Variants in PRKAG2 observed in about 807,000 individuals in gnomAD.
The protein encoded by PRKAG2 is protein kinase AMP-activated non-catalytic subunit gamma 2.
A neutral mutation model predicts 69.6 loss-of-function variants in PRKAG2; 26 were observed. The ratio of observed to expected loss-of-function variants is 0.37; its 90% CI spans 0.27 to 0.52. The LOEUF is 0.52. PRKAG2 is among the 20% of genes least tolerant of loss of function. The pLI is 0.90. For synonymous variants in PRKAG2, 293 were observed against 285.0 expected, an observed-to-expected ratio of 1.03 and a Z score of -0.28; for missense variants, 557 against 740.0, an observed-to-expected ratio of 0.75 and a Z score of 2.87.
At chr7:151,694,470 C>T (rs1413970586) in intron 3 of PRKAG2, among the ~76,000 whole-genome samples, 1 of 152,110 alleles carries the variant, frequency 6.6e-6, no homozygotes, top group African/African-American at 2.4e-5. Context: ...ACCTGCAACC[C>T]CTGGCAACCA....
intron 3 of PRKAG2, among the ~76,000 whole-genome samples, chr7:151,728,473 G>A (rs1266426768): frequency 6.6e-6 from 1 of 152,096 alleles, no homozygotes. Flanking sequence ...GCAGGGGCTG[G>A]CCAGCACCCA....
chr7:151,702,497 C>T lies in PRKAG2; in HGVS notation c.467-26860G>A, dbSNP rs73728275. ...GCCCCCACGGCAGTCTTGCCAGGTC[C>T]CTGCCCACCCGCTTGCCTTCCTTCC... On this transcript the variant is annotated intron_variant, in intron 3 of 15. Coordinates refer to ENST00000287878, the MANE Select transcript of PRKAG2 (RefSeq NM_016203.4). Among the ~76,000 whole-genome samples the T allele has an allele frequency of 4.5e-3, 690 of 152,354 alleles. 7 individuals are homozygous for T. The highest frequency in any genetic ancestry group is 0.016 in the African/African-American group (650 of 41,582).
intron 1 of PRKAG2, among the ~76,000 whole-genome samples, chr7:151,846,446 G>C (rs1219826304): frequency 6.7e-6 from 1 of 149,750 alleles, no homozygotes; most frequent in South Asian, 2.1e-4. Flanking sequence ...CCAGCCTGAC[G>C]ACAGAAACTC....
At chr7:151,856,645 T>C (rs2079783132) in intron 1 of PRKAG2, among the ~76,000 whole-genome samples, 1 of 152,160 alleles carries the variant, frequency 6.6e-6, no homozygotes. Flanking sequence ...TGGCAAAATA[T>C]GTGAAAGACG....
rs187213587 is a variant in PRKAG2, at chr7:151,709,203, T to C, written c.467-33566A>G. Among the ~76,000 whole-genome samples, 17 of 152,256 alleles carry C rather than the reference T, an allele frequency of 1.1e-4. 1 individual carries two copies. The South Asian group carries it at 2.3e-3, about 20-fold the overall frequency. On this transcript the variant is annotated intron_variant, in intron 3 of 15. Transcript: ENST00000287878. ...ACACCGATGTATGAACTGAATGACA[T>C]TGTGTGACACAGTGTTGTGACACTG...
intron 3 of PRKAG2, among the ~76,000 whole-genome samples, chr7:151,687,245 T>C (rs765772029): frequency 4.6e-5 from 7 of 152,202 alleles, no homozygotes; most frequent in Non-Finnish European, 1.0e-4. Flanking sequence ...TTCTACATCA[T>C]GGACCCAAAA....
In PRKAG2 at chr7:151,827,744, G is replaced by GT. The variant is rs1208798265; in HGVS notation, c.115-41204dup. ...TAGGAATTTCTTGAGGTGGCCTTAGGTAAAAAAAAAAAAAAAAAAAAAAAA... is the reference window on the plus strand; with the variant it reads ...TAGGAATTTCTTGAGGTGGCCTTAGGTTAAAAAAAAAAAAAAAAAAAAAAAA... On this transcript the variant is annotated intron_variant, in intron 1 of 15. Transcript: ENST00000287878. Among the ~76,000 whole-genome samples, 228 of 32,156 alleles carry GT rather than the reference G, an allele frequency of 7.1e-3. 1 individual carries two copies. Among genetic ancestry groups the GT allele is most frequent in the African/African-American group, 0.021 (216 of 10,518 alleles). The allele number at this position is 32,156 out of a possible 152,430, so 21.1% of individuals were successfully genotyped here. A position where few individuals can be genotyped will look rare whatever the true frequency, so the allele number is the denominator to read the frequency against.
At chr7:151,680,240 G>A (rs564024680) in intron 3 of PRKAG2, among the ~76,000 whole-genome samples, 59 of 152,226 alleles carry the variant, frequency 3.9e-4, no homozygotes, top group African/African-American at 1.3e-3. Flanking sequence ...GCTAAGTGTC[G>A]ACTGTACTAA....
chr7:151,828,222 C>G lies in PRKAG2; in HGVS notation c.115-41681G>C, dbSNP rs544450867. On this transcript the variant is annotated intron_variant, in intron 1 of 15. Coordinates refer to ENST00000287878, the MANE Select transcript of PRKAG2 (RefSeq NM_016203.4). This position sits in a 1 kb window ranked among gnomAD's most constrained non-coding sequence, Gnocchi z 4.6. ...TGTGAGGAAGAGCTACCTCTCCTTC[C>G]CACAGAGCCTGGAGATAGGTCCCTG... Among the ~76,000 whole-genome samples the G allele has an allele frequency of 2.0e-5, 3 of 152,290 alleles. No homozygotes were observed. In the East Asian group the frequency reaches 5.8e-4, roughly 29 times the overall value.
chr7:151,870,159 AGGCAGG>A (rs1563769286), intron 1 of PRKAG2, among the ~76,000 whole-genome samples: 8,488 of 108,604 alleles, frequency 0.078, 279 homozygotes, highest in South Asian at 0.09. Flanking sequence ...ATAGATAGGC[AGGCAGG>A]CAGGCAGGCA....
chr7:151,837,834 C>G (rs1408955262), intron 1 of PRKAG2, among the ~76,000 whole-genome samples: 4 of 152,210 alleles, frequency 2.6e-5, no homozygotes, highest in Non-Finnish European at 2.9e-5. Context: ...CTTCCTACAG[C>G]TAATCCAGAG....
chr7:151,802,853 TC>T (rs2077909549), intron 1 of PRKAG2, among the ~76,000 whole-genome samples: 2 of 150,932 alleles, frequency 1.3e-5, no homozygotes, highest in African/African-American at 4.9e-5. Context: ...TCCTCTTTAA[TC>T]CCCCCGTGCC....
At chr7:151,692,654 G>A (rs1376196004) in intron 3 of PRKAG2, among the ~76,000 whole-genome samples, 2 of 152,120 alleles carry the variant, frequency 1.3e-5, no homozygotes, top group African/African-American at 2.4e-5. Flanking sequence ...ATGAGTTCGG[G>A]GGGGTTGTCT....
At chr7:151,623,392 G>A (rs1193032429) in intron 5 of PRKAG2, among the ~76,000 whole-genome samples, 145 of 56,000 alleles carry the variant, frequency 2.6e-3, no homozygotes, top group Non-Finnish European at 3.5e-3. Flanking sequence ...AAAAAAAAAA[G>A]CTCATAAAGA....
intron 3 of PRKAG2, among the ~76,000 whole-genome samples, chr7:151,750,310 C>T (rs778866552): frequency 6.6e-6 from 1 of 152,130 alleles, no homozygotes; most frequent in African/African-American, 2.4e-5. Flanking sequence ...TGTACATGAA[C>T]GTTGATGGCA....
intron 3 of PRKAG2, among the ~76,000 whole-genome samples, chr7:151,765,669 G>T (rs954347422): frequency 2.0e-5 from 3 of 152,136 alleles, no homozygotes; most frequent in Non-Finnish European, 4.4e-5. Context: ...CACCTGCCAT[G>T]ACCCTATTTC....
intron 3 of PRKAG2, among the ~76,000 whole-genome samples, chr7:151,748,147 T>C (rs2074415998): frequency 6.6e-6 from 1 of 152,054 alleles, no homozygotes; most frequent in Non-Finnish European, 1.5e-5. Context: ...TCTCAAACTC[T>C]TGGACTCAAG....
chr7:151,735,918 C>A (rs1414442222), intron 3 of PRKAG2: 1 of 1,536,180 alleles, frequency 6.5e-7, no homozygotes, highest in Non-Finnish European at 8.7e-7. Context: ...CCATGAGGCT[C>A]CGACTGGCGC....
chr7:151,824,203 A>G (rs1285585574), intron 1 of PRKAG2, among the ~76,000 whole-genome samples: 1 of 152,210 alleles, frequency 6.6e-6, no homozygotes, highest in Admixed American at 6.5e-5. Flanking sequence ...CAGAATATTC[A>G]TAATATTCTA....
Sources: gnomAD v4.1 joint callset for allele counts (sites outside exome capture counted in the v4.1 genomes callset) on GRCh38, gnomAD v4.1.1 for gene constraint, Gnocchi (gnomAD v3.1) non-coding constraint, MANE v1.5 for transcripts, NCBI Gene and HGNC (gene_info 2026-07-23, HGNC 2026-07-21) for gene names.